PLD1: variants seen among roughly 807,000 people sequenced by gnomAD.
The protein encoded by PLD1 is choline phosphatase 1.
A neutral mutation model predicts 137.1 loss-of-function variants in PLD1; 112 were observed. The ratio of observed to expected loss-of-function variants is 0.82; its 90% CI spans 0.70 to 0.96. The LOEUF (loss-of-function observed/expected upper bound fraction) is 0.96, where lower values mean the gene tolerates loss of function less well. Ranked by LOEUF, PLD1 falls within the 40% of genes least tolerant of loss-of-function variation. The pLI is 0.00. For synonymous variants in PLD1, 431 were observed against 454.7 expected (o/e 0.95, Z 0.66); for missense variants, 1,321 against 1,342.0 (o/e 0.98, Z 0.24).
rs562000525 is a variant in PLD1 at position 171,617,885 on chromosome 3, A to C, written c.2728+2501T>G. The stretch of plus-strand genomic sequence containing the variant: ...TCATACATTACTTAAACCTCCTTTA[A>C]ATGTTTAAATACTTCCTTAACACCT... On this transcript the variant is annotated intron_variant, in intron 24 of 26. Coordinates refer to ENST00000351298, the MANE Select transcript of PLD1 (RefSeq NM_002662.5). Among the ~76,000 whole-genome samples the C allele has an allele frequency of 8.3e-4, 127 of 152,280 alleles. 1 individual carries two copies. Among genetic ancestry groups the C allele is most frequent in the Middle Eastern group, 3.4e-3 (1 of 294 alleles).
At chr3:171,676,039 A>C (rs1252051291) in intron 18 of PLD1, among the ~76,000 whole-genome samples, 1 of 151,960 alleles carries the variant, frequency 6.6e-6, no homozygotes, top group Non-Finnish European at 1.5e-5. Context: ...ACAGGTTTTC[A>C]CCATGTTGGT....
intron 1 of PLD1, among the ~76,000 whole-genome samples, chr3:171,763,730 T>C (rs992329543): frequency 3.3e-5 from 5 of 152,106 alleles, no homozygotes; most frequent in African/African-American, 1.2e-4. Flanking sequence ...ATATGTTTAA[T>C]GTTATGCAAA....
intron 1 of PLD1, among the ~76,000 whole-genome samples, chr3:171,767,147 T>C (rs1267517696): frequency 6.6e-6 from 1 of 152,242 alleles, no homozygotes; most frequent in Non-Finnish European, 1.5e-5. Flanking sequence ...TTCCTAGCTT[T>C]AGTGGCTTTA....
Position 171,733,455 on chromosome 3 carries a change from A to G in PLD1, c.595T>C (p.Tyr199His). 1 of 1,295,330 alleles carries G rather than the reference A, an allele frequency of 7.7e-7. No homozygotes were observed. Among genetic ancestry groups the G allele is most frequent in the Non-Finnish European group, 1.1e-6 (1 of 895,888 alleles). The allele number at this position is 1,295,330 out of a possible 1,614,324, so 80.2% of individuals were successfully genotyped here. A position where few individuals can be genotyped will look rare whatever the true frequency, so the allele number is the denominator to read the frequency against. Reference protein sequence around the residue: ...KILKMPMYRNYHATTEFLDIS... With the variant: ...KILKMPMYRNHHATTEFLDIS... Reference sequence around the variant, plus strand: ...TGACTAGTACTTACTGTGGCATGATAGTTTCTATACATGGGCATTTTTAGT... The same window carrying G: ...TGACTAGTACTTACTGTGGCATGATGGTTTCTATACATGGGCATTTTTAGT... The change falls in exon 6 of 27, where the codon TAT becomes CAT. Residue 199 changes from tyrosine (Y) to histidine (H), a missense_variant. Physicochemically the swap from Tyr to His is moderately conservative, Grantham distance 83. Coordinates refer to ENST00000351298, the MANE Select transcript of PLD1 (RefSeq NM_002662.5).
intron 1 of PLD1, among the ~76,000 whole-genome samples, chr3:171,780,024 G>A (rs1387471398): frequency 6.6e-6 from 1 of 151,926 alleles, no homozygotes; most frequent in Non-Finnish European, 1.5e-5. Flanking sequence ...CAGGACGGGG[G>A]TTTATATACA....
At chr3:171,620,757 TA>T (rs1733549807) in intron 23 of PLD1, among the ~76,000 whole-genome samples, 8 of 138,918 alleles carry the variant, frequency 5.8e-5, no homozygotes, top group African/African-American at 1.2e-4. Context: ...TATATATATA[TA>T]TATATATATA....
intron 9 of PLD1, among the ~76,000 whole-genome samples, chr3:171,709,996 G>A (rs182614208): frequency 1.3e-5 from 2 of 152,318 alleles, no homozygotes; most frequent in East Asian, 3.9e-4. Flanking sequence ...GAGGGGTAAG[G>A]TGAGGTTCTA....
Position 171,688,777 on chromosome 3 carries a change from T to A in PLD1, c.1438A>T (p.Ile480Phe). 1.2e-6 allele frequency: 2 copies of A among 1,614,028 alleles called. No individual in the cohort carries two copies. The highest frequency in any genetic ancestry group is 1.7e-6 in the Non-Finnish European group (2 of 1,179,980). Residue 480 changes from isoleucine to phenylalanine, a missense_variant, in exon 14 of 27, where the codon ATT becomes TTT. By Grantham distance (21) the Ile-to-Phe change is conservative (BLOSUM62 0). Coordinates refer to ENST00000351298, the MANE Select transcript of PLD1 (RefSeq NM_002662.5). ...IDQSVAFVGGIDLAYGRWDDN... is the reference protein window; with the variant it reads ...IDQSVAFVGGFDLAYGRWDDN... ...TCCCACCTTCCATAGGCCAGGTCAA[T>A]CCCTCCCACAAAGGCCACCGATTGG...
chr3:171,624,759 G>A, intron 23 of PLD1, among the ~76,000 whole-genome samples: 1 of 152,152 alleles, frequency 6.6e-6, no homozygotes, highest in Non-Finnish European at 1.5e-5. Flanking sequence ...AGGATATTCT[G>A]TTAAATGGAA....
chr3:171,605,507 A>AAT (rs1446429681), intron 25 of PLD1, 91 bp from the exon 26 acceptor site: 7 of 753,064 alleles, frequency 9.3e-6, no homozygotes, highest in South Asian at 9.2e-5. Flanking sequence ...TATATATGCA[A>AAT]ATATATATAT....
chr3:171,671,559 A>C (rs1225572185), intron 19 of PLD1, among the ~76,000 whole-genome samples: 1 of 152,060 alleles, frequency 6.6e-6, no homozygotes, highest in African/African-American at 2.4e-5. Flanking sequence ...CCTTGCTCTC[A>C]TTATCTCTCT....
intron 1 of PLD1, among the ~76,000 whole-genome samples, chr3:171,769,355 A>AAATGTCTT (rs1385818213): frequency 6.6e-6 from 1 of 152,226 alleles, no homozygotes; most frequent in African/African-American, 2.4e-5. Flanking sequence ...TCAACGACTA[A>AAATGTCTT]AATGTCTTAA....
At chr3:171,627,155 G>T (rs1201027936) in intron 23 of PLD1, among the ~76,000 whole-genome samples, 2 of 151,994 alleles carry the variant, frequency 1.3e-5, no homozygotes, top group African/African-American at 2.4e-5. Flanking sequence ...AATAAAAGGA[G>T]GCAGGAAGAT....
At chr3:171,750,392 T>A (rs140365265) in intron 1 of PLD1, among the ~76,000 whole-genome samples, 119 of 152,226 alleles carry the variant, frequency 7.8e-4, no homozygotes, top group African/African-American at 2.7e-3. Flanking sequence ...TAGTATTGTA[T>A]GTGATAATAC....
chr3:171,677,597 T>C lies in PLD1; in HGVS notation c.1965A>G (p.Lys655=), dbSNP rs1273768759. 7.4e-6 allele frequency: 12 copies of C among 1,614,122 alleles called. No individual in the cohort carries two copies. Among genetic ancestry groups the C allele is most frequent in the Middle Eastern group, 3.3e-4 (2 of 6,060 alleles). Residue 655 remains lysine, a synonymous_variant, in exon 17 of 27, where the codon AAA becomes AAG. Coordinates refer to ENST00000351298, the MANE Select transcript of PLD1 (RefSeq NM_002662.5). ...HGKDYCNFVF[K]DWVQLDKPFA... is the part of the protein sequence containing the mutation. ...AAGGTTTATCAAGTTGAACCCAGTC[T>C]TTGAAGACGAAATTGCAGTAGTCCT... is the stretch of plus-strand genomic sequence containing the variant.
chr3:171,650,915 T>C lies in PLD1; in HGVS notation c.2430-5892A>G, dbSNP rs150275724. The stretch of plus-strand genomic sequence containing the variant: ...AGAATCCGTCTCAAAAAAAAAAAAA[T>C]TAATTTTAAAATTTTTGTGATTGCT... On this transcript the variant is annotated intron_variant, in intron 21 of 26. Transcript: ENST00000351298. Among the ~76,000 whole-genome samples, 508 of 151,704 alleles carry C rather than the reference T, an allele frequency of 3.3e-3. 2 individuals carry two copies. The highest frequency in any genetic ancestry group is 0.012 in the African/African-American group (492 of 41,304).
chr3:171,601,972 C>T lies in PLD1; in HGVS notation c.*1106G>A, dbSNP rs1016281179. 2 of 152,156 alleles carry T rather than the reference C, an allele frequency of 1.3e-5. No individual in the cohort carries two copies. The highest frequency in any genetic ancestry group is 2.9e-5 in the Non-Finnish European group (2 of 68,036). 9.4% of individuals were successfully genotyped at this position (152,156 alleles called of 1,614,324 possible). A position where few individuals can be genotyped will look rare whatever the true frequency, so the allele number is the denominator to read the frequency against. On this transcript the variant is annotated 3_prime_UTR_variant, in exon 27 of 27. Transcript: ENST00000351298. Reference sequence around the variant, plus strand: ...ATATTTAATAATGTAAGTGAAGTAGCACATATTTTATAATCAATTAATTTT... The same window carrying T: ...ATATTTAATAATGTAAGTGAAGTAGTACATATTTTATAATCAATTAATTTT...
At chr3:171,713,794 T>G (rs571166361) in intron 9 of PLD1, 99 bp downstream of exon 9, 1 of 1,052,626 alleles carries the variant, frequency 9.5e-7, no homozygotes, top group African/African-American at 1.6e-5. Flanking sequence ...AATTACAATT[T>G]TCTAACACTT....
chr3:171,605,498 A>G, intron 25 of PLD1, 82 bp from the exon 26 acceptor site: 1 of 764,788 alleles, frequency 1.3e-6, no homozygotes, highest in Non-Finnish European at 2.3e-6. Flanking sequence ...ATCTATCTCT[A>G]TATATGCAAA....
Sources: gnomAD v4.1 joint callset for allele counts (sites outside exome capture counted in the v4.1 genomes callset) on GRCh38, gnomAD v4.1.1 for gene constraint, MANE v1.5 for transcripts, NCBI Gene and HGNC (gene_info 2026-07-23, HGNC 2026-07-21) for gene names.